PGM1: variants seen among roughly 807,000 people sequenced by gnomAD.
PGM1 encodes the protein phosphoglucomutase 1, also known as phosphoglucomutase-1.
In PGM1, 52 loss-of-function variants were observed where a neutral mutation model predicts 55.6. The observed-to-expected ratio is 0.94, with a 90% CI of 0.75 to 1.18. PGM1 has a LOEUF of 1.18. Among genes scored for constraint, PGM1 ranks in the 50% most tolerant of loss-of-function variants. The probability of loss-of-function intolerance (pLI) is 0.00; values close to 1 mark genes in which losing one functional copy is unlikely to be tolerated. For synonymous variants in PGM1, 287 were observed against 271.7 expected (o/e 1.06, Z -0.55); for missense variants, 724 against 729.3 (o/e 0.99, Z 0.08).
Position 63,593,447 on chromosome 1 carries a change from A to G in PGM1, c.-42A>G. On this transcript the variant is annotated 5_prime_UTR_variant, in exon 1 of 11. Coordinates refer to ENST00000371084, the MANE Select transcript of PGM1 (RefSeq NM_002633.3). ...AGCCTCAGCCGGCCGCCCCTCCGCC[A>G]GCCAAGTCCGCCGCTCTGACCCCCG... 1 of 1,611,974 alleles carries G rather than the reference A, an allele frequency of 6.2e-7. No individual in the cohort carries two copies. The highest frequency in any genetic ancestry group is 2.2e-5 in the East Asian group (1 of 44,814).
At chr1:63,654,522 T>G in intron 10 of PGM1, 56 bp downstream of exon 10, 1 of 1,585,732 alleles carries the variant, frequency 6.3e-7, no homozygotes, top group Non-Finnish European at 8.7e-7. Context: ...AATGATAGTT[T>G]CCCATTGAGC....
intron 5 of PGM1, among the ~76,000 whole-genome samples, chr1:63,635,917 G>T (rs895863741): frequency 6.6e-6 from 1 of 152,204 alleles, no homozygotes; most frequent in African/African-American, 2.4e-5. Context: ...AAAGATGATT[G>T]GTTCCAGAGT....
At chr1:63,640,528 C>A (rs1330471933) in intron 7 of PGM1, among the ~76,000 whole-genome samples, 1 of 152,100 alleles carries the variant, frequency 6.6e-6, no homozygotes, top group African/African-American at 2.4e-5. Context: ...GATACAATAT[C>A]ATCACCACAA....
At position 63,651,889 on chromosome 1, in the gene PGM1, T is replaced by A. The variant is rs958335859; in HGVS notation, c.1464+37T>A. The A allele has an allele frequency of 1.9e-6, 3 of 1,555,000 alleles. No homozygotes were observed. In the Admixed American group the frequency reaches 5.0e-5, roughly 26 times the overall value. Reference sequence around the variant, plus strand: ...CCGGTGTGTAAGTGAGAGAGAGACCTCAGAGCTTCATCTCTGACATCTCAA... The same window carrying A: ...CCGGTGTGTAAGTGAGAGAGAGACCACAGAGCTTCATCTCTGACATCTCAA... On this transcript the variant is annotated intron_variant, in intron 9 of 10. Transcript: ENST00000371084.
intron 1 of PGM1, among the ~76,000 whole-genome samples, chr1:63,595,894 T>C (rs1212900146): frequency 2.0e-5 from 3 of 152,174 alleles, no homozygotes; most frequent in Non-Finnish European, 4.4e-5. Flanking sequence ...CATTGCCCTA[T>C]TGCTCTTCTC....
At chr1:63,597,488 G>T (rs1227734062) in intron 1 of PGM1, among the ~76,000 whole-genome samples, 1 of 152,184 alleles carries the variant, frequency 6.6e-6, no homozygotes, top group East Asian at 1.9e-4. Context: ...ACAATCCAAC[G>T]TGATGCAGAT....
At chr1:63,637,679 TATG>T (rs755287001) in intron 6 of PGM1, among the ~76,000 whole-genome samples, 6 of 152,314 alleles carry the variant, frequency 3.9e-5, no homozygotes, top group Admixed American at 2.0e-4. Flanking sequence ...CATTTGAAAT[TATG>T]AGCTGGTTTG....
intron 7 of PGM1, among the ~76,000 whole-genome samples, chr1:63,639,314 A>T (rs889333595): frequency 2.6e-5 from 4 of 152,158 alleles, no homozygotes; most frequent in African/African-American, 9.7e-5. Flanking sequence ...GTGATCAAGA[A>T]ATTAAAAATA....
chr1:63,654,457 G>A lies in PGM1; in HGVS notation c.1590G>A (p.Gln530=). ...AGAAGGACGTTGCCAAGATTAACCA[G>A]GACCCCCAGGTAACGCCCAGCCCTG... The part of the protein sequence containing the change: ...SYEKDVAKIN[Q]DPQVMLAPLI... Residue 530 remains glutamine, a synonymous_variant, in exon 10 of 11, where the codon CAG becomes CAA. Coordinates refer to ENST00000371084, the MANE Select transcript of PGM1 (RefSeq NM_002633.3). 6.2e-7 allele frequency: 1 copy of A among 1,613,954 alleles called. No individual in the cohort carries two copies. Among genetic ancestry groups the A allele is most frequent in the Non-Finnish European group, 8.5e-7 (1 of 1,179,892 alleles).
intron 1 of PGM1, among the ~76,000 whole-genome samples, chr1:63,594,334 C>A (rs1298031968): frequency 1.3e-5 from 2 of 152,178 alleles, no homozygotes; most frequent in African/African-American, 4.8e-5. Context: ...TTTCTCCCCG[C>A]CCCCTAGTTT....
At chr1:63,600,273 A>G (rs2301062) in intron 1 of PGM1, 1 of 152,144 alleles carries the variant, frequency 6.6e-6, no homozygotes, top group Non-Finnish European at 1.5e-5. Context: ...TTGGTGAAAC[A>G]TCTTTTTCCT....
At chr1:63,640,092 G>A (rs1450481333) in intron 7 of PGM1, among the ~76,000 whole-genome samples, 1 of 152,166 alleles carries the variant, frequency 6.6e-6, no homozygotes, top group African/African-American at 2.4e-5. Flanking sequence ...TATTCTGAGG[G>A]ATACTACATG....
intron 1 of PGM1, among the ~76,000 whole-genome samples, chr1:63,624,935 A>G (rs1320041576): frequency 6.6e-6 from 1 of 152,230 alleles, no homozygotes; most frequent in Admixed American, 6.5e-5. Flanking sequence ...TTGCTGATAA[A>G]GCACTCAAAT....
Position 63,593,687 on chromosome 1 carries a change from A to T in PGM1, c.199A>T (p.Met67Leu), listed in dbSNP as rs561236041. ...LVVGGDGRFY[M>L]KEAIQLIARI... ...GGTGGGCGGGGACGGCCGGTTCTAC[A>T]TGAAGGAGGCCATCCAGCTCATCGC... The change falls in exon 1 of 11, where the codon ATG becomes TTG. Residue 67 changes from methionine (M) to leucine (L), a missense_variant. By Grantham distance (15) the Met-to-Leu change is conservative. Transcript: ENST00000371084. 6.2e-7 allele frequency: 1 copy of T among 1,605,444 alleles called. No homozygotes were observed. The highest frequency in any genetic ancestry group is 1.1e-5 in the South Asian group (1 of 89,862).
chr1:63,637,204 T>G (rs1411154570), intron 6 of PGM1, among the ~76,000 whole-genome samples: 2 of 152,392 alleles, frequency 1.3e-5, no homozygotes, highest in East Asian at 3.9e-4. Flanking sequence ...AACATTACTT[T>G]GTTGTAGACA....
chr1:63,608,900 T>C (rs1491002962), intron 1 of PGM1, among the ~76,000 whole-genome samples: 1 of 152,204 alleles, frequency 6.6e-6, no homozygotes. Context: ...AAGATTCTTG[T>C]GAGGATGAAA....
At chr1:63,653,894 C>A (rs1649887168) in intron 9 of PGM1, among the ~76,000 whole-genome samples, 1 of 152,182 alleles carries the variant, frequency 6.6e-6, no homozygotes, top group Non-Finnish European at 1.5e-5. Flanking sequence ...AAGAGTCCTT[C>A]CCCTCATCTG....
At chr1:63,639,984 G>C (rs185220021) in intron 7 of PGM1, among the ~76,000 whole-genome samples, 2 of 152,320 alleles carry the variant, frequency 1.3e-5, no homozygotes, top group South Asian at 4.1e-4. Context: ...CCACAACAAA[G>C]GCTAGACAGT....
At position 63,593,651 on chromosome 1, in the gene PGM1, G is replaced by A. The variant is rs1418570453; in HGVS notation, c.163G>A (p.Ala55Thr). 4 of 1,610,498 alleles carry A rather than the reference G, an allele frequency of 2.5e-6. No individual in the cohort carries two copies. Among genetic ancestry groups the A allele is most frequent in the East Asian group, 4.5e-5 (2 of 44,768 alleles). ...STVEPAQRQE[A>T]TLVVGGDGRF... is the part of the protein sequence containing the mutation. ...CGTGGAGCCGGCGCAGCGGCAGGAG[G>A]CCACGCTGGTGGTGGGCGGGGACGG... The change falls in exon 1 of 11, where the codon GCC becomes ACC. Residue 55 changes from alanine to threonine, a missense_variant. Coordinates refer to ENST00000371084, the MANE Select transcript of PGM1 (RefSeq NM_002633.3).
Sources: allele counts gnomAD v4.1 joint callset (sites outside exome capture counted in the v4.1 genomes callset), GRCh38; gene constraint gnomAD v4.1.1; transcripts MANE v1.5; gene names NCBI Gene and HGNC (gene_info 2026-07-23, HGNC 2026-07-21).